The following VAV3 variants were observed in gnomAD, a reference collection of about 807,000 sequenced individuals.
VAV3 encodes vav guanine nucleotide exchange factor 3.
In VAV3, 94 loss-of-function variants were observed where a neutral mutation model predicts 131.2. The observed-to-expected ratio is 0.72, with a 90% CI of 0.61 to 0.85. The LOEUF is 0.85. Ranked by LOEUF, VAV3 falls within the 40% of genes least tolerant of loss-of-function variation. VAV3 has a pLI of 0.00. For synonymous variants in VAV3, 349 were observed against 342.0 expected, an observed-to-expected ratio of 1.02 and a Z score of -0.22; for missense variants, 939 against 1,002.7, an observed-to-expected ratio of 0.94 and a Z score of 0.86.
chr1:107,707,813 C>G (rs1660545521), intron 15 of VAV3, among the ~76,000 whole-genome samples: 1 of 152,128 alleles, frequency 6.6e-6, no homozygotes, highest in African/African-American at 2.4e-5. Context: ...AAACCAAAGA[C>G]AGTAAGCTGG....
intron 17 of VAV3, among the ~76,000 whole-genome samples, chr1:107,694,156 C>A (rs530927746): frequency 3.3e-5 from 5 of 152,176 alleles, no homozygotes; most frequent in Admixed American, 6.6e-5. Flanking sequence ...CTAACCTTGG[C>A]AAATGCATAA....
intron 1 of VAV3, among the ~76,000 whole-genome samples, chr1:107,884,843 G>A (rs1454025222): frequency 6.6e-6 from 1 of 151,986 alleles, no homozygotes; most frequent in Non-Finnish European, 1.5e-5. Flanking sequence ...TCTCTACTTA[G>A]GGCATGGAAA....
At chr1:107,866,533 T>C (rs998575406) in intron 2 of VAV3, among the ~76,000 whole-genome samples, 1 of 152,062 alleles carries the variant, frequency 6.6e-6, no homozygotes, top group Non-Finnish European at 1.5e-5. Context: ...AAAAGGCATT[T>C]TGGCTTGGCA....
chr1:107,746,800 T>G (rs1454684151), intron 15 of VAV3, among the ~76,000 whole-genome samples: 1 of 152,158 alleles, frequency 6.6e-6, no homozygotes, highest in Non-Finnish European at 1.5e-5. Context: ...CCTAGAGCTC[T>G]AGCAGCTATC....
chr1:107,720,496 T>C (rs988840485), intron 15 of VAV3, among the ~76,000 whole-genome samples: 2 of 142,550 alleles, frequency 1.4e-5, no homozygotes, highest in East Asian at 2.0e-4. Flanking sequence ...CTGACCAACA[T>C]GGAGAAACCC....
chr1:107,867,443 T>C (rs1023603257), intron 2 of VAV3, among the ~76,000 whole-genome samples: 1 of 152,072 alleles, frequency 6.6e-6, no homozygotes. Context: ...GATGAGAAGG[T>C]TGTTAAACAG....
chr1:107,703,260 TAAC>T (rs1402380724), intron 17 of VAV3, among the ~76,000 whole-genome samples: 3 of 152,206 alleles, frequency 2.0e-5, no homozygotes, highest in Non-Finnish European at 4.4e-5. Flanking sequence ...AATTAAAGAA[TAAC>T]AACAATAATT....
At chr1:107,700,700 CTGA>C (rs1660065275) in intron 17 of VAV3, among the ~76,000 whole-genome samples, 1 of 152,222 alleles carries the variant, frequency 6.6e-6, no homozygotes, top group South Asian at 2.1e-4. Flanking sequence ...CAGTCTATCA[CTGA>C]TGGGCATTTG....
At chr1:107,783,853 C>T (rs1665834691) in intron 2 of VAV3, among the ~76,000 whole-genome samples, 1 of 150,610 alleles carries the variant, frequency 6.6e-6, no homozygotes, top group Non-Finnish European at 1.5e-5. Flanking sequence ...TCGAGACCAT[C>T]CTGGCCAACA....
At chr1:107,678,869 GTTT>G (rs1304226613) in intron 19 of VAV3, among the ~76,000 whole-genome samples, 1 of 151,872 alleles carries the variant, frequency 6.6e-6, no homozygotes, top group Non-Finnish European at 1.5e-5. Flanking sequence ...TTCACTAATT[GTTT>G]TTAAGACACT....
intron 2 of VAV3, among the ~76,000 whole-genome samples, chr1:107,804,409 G>C (rs1217991121): frequency 1.3e-5 from 2 of 151,964 alleles, no homozygotes; most frequent in Non-Finnish European, 2.9e-5. Flanking sequence ...ATCTATTATA[G>C]GTTTTAACAT....
At chr1:107,768,396 T>C (rs2102170108) in intron 7 of VAV3, 45 bp downstream of exon 7, 1 of 1,462,380 alleles carries the variant, frequency 6.8e-7, no homozygotes, top group Non-Finnish European at 9.5e-7. Flanking sequence ...AAATGAAGAT[T>C]TTATTGAAGT....
chr1:107,602,451 T>C lies in VAV3; in HGVS notation c.2166A>G (p.Leu722=). 6.3e-7 allele frequency: 1 copy of C among 1,575,444 alleles called. No homozygotes were observed. The highest frequency in any genetic ancestry group is 1.2e-5 in the South Asian group (1 of 84,158). The change falls in exon 24 of 27, where the codon TTA becomes TTG. Residue 722 remains leucine (L), a synonymous_variant. Transcript: ENST00000370056. ...CAATGTGAAAAAAGCCATCTCTTGT[T>C]AAAATCTTGATGTGCTTTGCTTCAT... The part of the protein sequence containing the change: ...YNNEAKHIKI[L]TRDGFFHIAE...
intron 1 of VAV3, among the ~76,000 whole-genome samples, chr1:107,875,247 T>A (rs1379108168): frequency 6.6e-6 from 1 of 152,098 alleles, no homozygotes; most frequent in Non-Finnish European, 1.5e-5. Context: ...TACATTCTAA[T>A]ATGAAAAGAC....
At chr1:107,921,179 C>A (rs1018956366) in intron 1 of VAV3, among the ~76,000 whole-genome samples, 2 of 152,194 alleles carry the variant, frequency 1.3e-5, no homozygotes, top group East Asian at 1.9e-4. Context: ...CATCCGCTCT[C>A]TCATCGCTTG....
At chr1:107,736,749 G>A (rs1468407451) in intron 15 of VAV3, among the ~76,000 whole-genome samples, 2 of 151,832 alleles carry the variant, frequency 1.3e-5, no homozygotes, top group Admixed American at 1.3e-4. Flanking sequence ...TGGATAGGAA[G>A]AATCAATATC....
intron 2 of VAV3, among the ~76,000 whole-genome samples, chr1:107,860,425 AT>A (rs1169751348): frequency 6.6e-6 from 1 of 151,744 alleles, no homozygotes; most frequent in Non-Finnish European, 1.5e-5. Context: ...TTAATTTAGC[AT>A]TTTCCAAATT....
intron 19 of VAV3, chr1:107,673,701 C>T (rs1657984070): frequency 1.3e-5 from 2 of 152,110 alleles, no homozygotes; most frequent in South Asian, 4.1e-4. Flanking sequence ...ACAAATGAAT[C>T]AACAAATTCG....
intron 1 of VAV3, among the ~76,000 whole-genome samples, chr1:107,924,025 G>A (rs1673037234): frequency 6.6e-6 from 1 of 152,052 alleles, no homozygotes; most frequent in Non-Finnish European, 1.5e-5. Context: ...TTTTGTTATA[G>A]CAGCCCAAAT....
Sources: gnomAD v4.1 joint callset for allele counts (sites outside exome capture counted in the v4.1 genomes callset) on GRCh38, gnomAD v4.1.1 for gene constraint, MANE v1.5 for transcripts, NCBI Gene and HGNC (gene_info 2026-07-23, HGNC 2026-07-21) for gene names.